Variants in GATB observed in about 807,000 individuals in gnomAD.
GATB encodes glutamyl-tRNA amidotransferase subunit B, also known as glutamyl-tRNA(Gln) amidotransferase subunit B, mitochondrial.
In GATB, 39 loss-of-function variants were observed where a neutral mutation model predicts 62.3. The ratio of observed to expected loss-of-function variants is 0.63; its 90% CI spans 0.48 to 0.82. The LOEUF is 0.82. GATB is among the 40% of genes least tolerant of loss of function. The pLI is 0.00. For synonymous variants in GATB, 276 were observed against 258.9 expected (o/e 1.07, Z -0.63); for missense variants, 670 against 684.0 (o/e 0.98, Z 0.23).
chr4:151,718,965 C>T (rs1220781856), intron 3 of GATB, among the ~76,000 whole-genome samples: 1 of 152,222 alleles, frequency 6.6e-6, no homozygotes, highest in Non-Finnish European at 1.5e-5. Context: ...CACTTACTTG[C>T]TCCTTGTGAG....
chr4:151,682,747 A>G (rs1056520504), intron 10 of GATB, among the ~76,000 whole-genome samples: 5 of 152,036 alleles, frequency 3.3e-5, no homozygotes, highest in African/African-American at 1.2e-4. Context: ...TCAGGCCCAA[A>G]GTCCACCTTC....
intron 10 of GATB, among the ~76,000 whole-genome samples, chr4:151,680,849 C>T (rs892709096): frequency 1.3e-5 from 2 of 152,280 alleles, no homozygotes; most frequent in South Asian, 2.1e-4. Flanking sequence ...TGCACATCAT[C>T]GTCAATGCTC....
chr4:151,703,499 G>A lies in GATB; in HGVS notation c.1007+352C>T, dbSNP rs572618081. The A allele has an allele frequency of 3.4e-4, 96 of 283,230 alleles. 1 individual carries two copies. Among genetic ancestry groups the A allele is most frequent in the Non-Finnish European group, 4.2e-4 (63 of 150,264 alleles). 17.5% of individuals were successfully genotyped at this position (283,230 alleles called of 1,614,324 possible). On this transcript the variant is annotated intron_variant, in intron 8 of 12. Transcript: ENST00000263985. ...TTCTTCTCAAGGAGCTTCATTCAGC[G>A]TATTACTGAATCAGTTACTGAACAT...
intron 12 of GATB, among the ~76,000 whole-genome samples, chr4:151,672,260 T>G (rs1001425674): frequency 7.9e-5 from 12 of 152,216 alleles, no homozygotes; most frequent in African/African-American, 2.9e-4. Flanking sequence ...TTTTCAGTCA[T>G]GCTCCTGTCA....
chr4:151,734,329 A>T (rs961097831), intron 2 of GATB, among the ~76,000 whole-genome samples: 6 of 145,488 alleles, frequency 4.1e-5, no homozygotes, highest in African/African-American at 1.6e-4. Flanking sequence ...TCAAGAACTC[A>T]ACCCCTTTTA....
At chr4:151,731,241 A>G (rs1191275573) in intron 2 of GATB, among the ~76,000 whole-genome samples, 1 of 151,990 alleles carries the variant, frequency 6.6e-6, no homozygotes, top group East Asian at 1.9e-4. Context: ...CAGCCTGCCG[A>G]GTGCCTGCCA....
At chr4:151,716,774 G>C (rs905688772) in intron 4 of GATB, 102 bp downstream of exon 4, 14 of 1,072,522 alleles carry the variant, frequency 1.3e-5, no homozygotes, top group Admixed American at 6.2e-5. Flanking sequence ...TCCTGTGACT[G>C]CTTTCTCAAT....
At chr4:151,705,364 A>T (rs753589614) in intron 6 of GATB, 95 bp from the exon 7 acceptor site, 70 of 145,708 alleles carry the variant, frequency 4.8e-4, no homozygotes, top group Non-Finnish European at 8.4e-4. Context: ...TCTCTAAGTT[A>T]AAAAAAAAAA....
At chr4:151,722,155 G>A in intron 2 of GATB, 1 of 699,362 alleles carries the variant, frequency 1.4e-6, no homozygotes, top group Non-Finnish European at 2.6e-6. Context: ...TGGAAGTCCA[G>A]GTCAGCATGT....
At chr4:151,740,226 T>C (rs1379445094) in intron 2 of GATB, among the ~76,000 whole-genome samples, 1 of 152,218 alleles carries the variant, frequency 6.6e-6, no homozygotes, top group Non-Finnish European at 1.5e-5. Context: ...AGAAACTCTT[T>C]CCTAGTACAG....
chr4:151,671,260 GTTTA>G lies in GATB; in HGVS notation c.1584_1587del (p.Lys529Ter). 1 of 1,613,882 alleles carries G rather than the reference GTTTA, an allele frequency of 6.2e-7. No homozygotes were observed. Among genetic ancestry groups the G allele is most frequent in the Non-Finnish European group, 8.5e-7 (1 of 1,179,848 alleles). ...GTCGCTTTCCGGACCAACCCAATCAGTTTATTTATAGCTCTGGGGTTTCTGTTCT... is the reference window on the plus strand; with the variant it reads ...GTCGCTTTCCGGACCAACCCAATCAGTTTATAGCTCTGGGGTTTCTGTTCT... On this transcript the variant is annotated frameshift_variant, in exon 13 of 13. Transcript: ENST00000263985. LOFTEE classifies it high-confidence loss of function.
At chr4:151,717,158 CACA>C (rs1170313373) in intron 3 of GATB, 84 bp from the exon 4 acceptor site, 2 of 1,307,286 alleles carry the variant, frequency 1.5e-6, no homozygotes, top group Non-Finnish European at 2.2e-6. Context: ...TACAATGTCA[CACA>C]ACGACAGGCC....
At chr4:151,749,680 G>C (rs979379297) in intron 2 of GATB, among the ~76,000 whole-genome samples, 2 of 151,944 alleles carry the variant, frequency 1.3e-5, no homozygotes, top group African/African-American at 4.8e-5. Context: ...AAAAAAATCA[G>C]AGAGGTGTTT....
chr4:151,722,820 C>T (rs2007218), intron 2 of GATB: 86,239 of 152,204 alleles, frequency 0.57, 26,153 homozygotes, highest in African/African-American at 0.8. Flanking sequence ...TTAATGTGTG[C>T]TGAGCTCAAA....
chr4:151,698,636 G>C (rs994673642), intron 9 of GATB, among the ~76,000 whole-genome samples: 2 of 152,138 alleles, frequency 1.3e-5, no homozygotes. Context: ...GAGTAACGCC[G>C]CTTCCAATGA....
rs769926866 is a variant in GATB at position 151,705,187 on chromosome 4, C to T, written c.960G>A (p.Leu320=). Residue 320 remains leucine, a splice_region_variant and synonymous_variant, in exon 7 of 13, where the codon CTG becomes CTA. Transcript: ENST00000263985. ...GACGCTCAGCAATGCGAACTCACCC[C>T]AGCTTGTGATGAAATGAGCGTGTTT... ...LNETRSFHHK[L]GCTMSMRDKE... 2.1e-5 allele frequency: 34 copies of T among 1,611,406 alleles called. No individual in the cohort carries two copies. The highest frequency in any genetic ancestry group is 2.8e-5 in the Non-Finnish European group (33 of 1,177,696).
intron 5 of GATB, among the ~76,000 whole-genome samples, chr4:151,708,831 C>A (rs1216063772): frequency 6.6e-6 from 1 of 152,112 alleles, no homozygotes; most frequent in Non-Finnish European, 1.5e-5. Flanking sequence ...GGAGGCCCCT[C>A]AGATTAGGAG....
At chr4:151,683,559 C>G (rs1738187566) in intron 10 of GATB, among the ~76,000 whole-genome samples, 1 of 152,182 alleles carries the variant, frequency 6.6e-6, no homozygotes, top group African/African-American at 2.4e-5. Flanking sequence ...TCCTGTTTCT[C>G]TCCCTGGTTG....
intron 2 of GATB, among the ~76,000 whole-genome samples, chr4:151,750,414 A>G (rs1434622863): frequency 6.6e-6 from 1 of 151,866 alleles, no homozygotes; most frequent in Non-Finnish European, 1.5e-5. Flanking sequence ...GCTCCTGGCC[A>G]TTTGCTATGT....
Sources: gnomAD v4.1 joint callset for allele counts (sites outside exome capture counted in the v4.1 genomes callset) on GRCh38, gnomAD v4.1.1 for gene constraint, MANE v1.5 for transcripts, NCBI Gene and HGNC (gene_info 2026-07-23, HGNC 2026-07-21) for gene names.